The following RABGAP1L variants were observed in gnomAD, a reference collection of about 807,000 sequenced individuals.
RABGAP1L encodes the protein rab GTPase-activating protein 1-like.
In RABGAP1L, 63 loss-of-function variants were observed where a neutral mutation model predicts 137.7. The ratio of observed to expected loss-of-function variants is 0.46; its 90% CI spans 0.37 to 0.56. The LOEUF is 0.56. Ranked by LOEUF, RABGAP1L falls within the 20% of genes least tolerant of loss-of-function variation. The pLI is 0.00. For missense variants in RABGAP1L, 1,095 were observed against 1,244.0 expected (o/e 0.88, Z 1.80); for synonymous variants, 431 against 433.7 (o/e 0.99, Z 0.08).
chr1:174,315,707 T>C (rs991702796), intron 11 of RABGAP1L, among the ~76,000 whole-genome samples: 1 of 151,956 alleles, frequency 6.6e-6, no homozygotes, highest in Admixed American at 6.6e-5. Context: ...GGGAGTTTGA[T>C]TATCAAATGC....
intron 13 of RABGAP1L, among the ~76,000 whole-genome samples, chr1:174,537,094 C>T (rs953669619): frequency 3.9e-5 from 6 of 152,102 alleles, no homozygotes; most frequent in African/African-American, 7.2e-5. Context: ...TTTTTTCTCT[C>T]CCACACCAAA....
At chr1:174,669,859 C>G (rs1362306297) in intron 14 of RABGAP1L, among the ~76,000 whole-genome samples, 3 of 152,034 alleles carry the variant, frequency 2.0e-5, no homozygotes, top group Non-Finnish European at 1.5e-5. Context: ...TATGCCAATC[C>G]CATGCTGTTT....
chr1:174,448,612 C>T lies in RABGAP1L; in HGVS notation c.1710+54467C>T, dbSNP rs144638321. The T allele has an allele frequency of 1.9e-6, 3 of 1,613,750 alleles. No individual in the cohort carries two copies. Among genetic ancestry groups the T allele is most frequent in the Non-Finnish European group, 2.5e-6 (3 of 1,179,780 alleles). Reference sequence around the variant, plus strand: ...GAATTTGCATTATTTTGATCTGGATCTACTCCTGCCTAATTTTCTTGCCTT... The same window carrying T: ...GAATTTGCATTATTTTGATCTGGATTTACTCCTGCCTAATTTTCTTGCCTT... On this transcript the variant is annotated intron_variant, in intron 13 of 25. Transcript: ENST00000681986. The surrounding 1 kb of genome is among the most constrained non-coding windows in gnomAD (Gnocchi z 4.2).
intron 10 of RABGAP1L, among the ~76,000 whole-genome samples, chr1:174,299,537 A>T (rs1677461633): frequency 6.6e-6 from 1 of 152,242 alleles, no homozygotes; most frequent in South Asian, 2.1e-4. Flanking sequence ...TGCCATAAGA[A>T]GGCTCACAGA....
At chr1:174,745,802 T>G (rs1259018046) in intron 17 of RABGAP1L, among the ~76,000 whole-genome samples, 1 of 152,248 alleles carries the variant, frequency 6.6e-6, no homozygotes, top group African/African-American at 2.4e-5. Context: ...AGTCATTATC[T>G]CTTCCTAGGG....
intron 14 of RABGAP1L, among the ~76,000 whole-genome samples, chr1:174,654,393 AG>A (rs1329561165): frequency 1.3e-5 from 2 of 152,232 alleles, no homozygotes; most frequent in Non-Finnish European, 2.9e-5. Context: ...AAACCCTAAA[AG>A]AGCATTCTAT....
intron 11 of RABGAP1L, among the ~76,000 whole-genome samples, chr1:174,309,734 G>A (rs778913200): frequency 6.6e-6 from 1 of 152,052 alleles, no homozygotes; most frequent in African/African-American, 2.4e-5. Context: ...TCTTTTTAAT[G>A]TGCTGTTGTG....
chr1:174,240,364 G>A (rs1470895714), intron 4 of RABGAP1L, among the ~76,000 whole-genome samples: 1 of 152,030 alleles, frequency 6.6e-6, no homozygotes, highest in Non-Finnish European at 1.5e-5. Flanking sequence ...CTCATACCTC[G>A]GCCTCCTGAA....
chr1:174,838,641 T>C (rs938954174), intron 19 of RABGAP1L, among the ~76,000 whole-genome samples: 3 of 151,750 alleles, frequency 2.0e-5, no homozygotes, highest in Non-Finnish European at 2.9e-5. Context: ...CAGACAAAAA[T>C]GACATGGGCC....
At chr1:174,645,408 G>T (rs528922945) in intron 14 of RABGAP1L, among the ~76,000 whole-genome samples, 74 of 144,102 alleles carry the variant, frequency 5.1e-4, no homozygotes, top group African/African-American at 1.8e-3. Context: ...CCCCCAACAG[G>T]CCCCAGTGTG....
At chr1:174,980,500 A>T (rs1671001726) in intron 23 of RABGAP1L, among the ~76,000 whole-genome samples, 1 of 152,262 alleles carries the variant, frequency 6.6e-6, no homozygotes. Flanking sequence ...GCGATGTAAG[A>T]CTTGGATCTG....
rs1181439822 is a variant in RABGAP1L, at chr1:174,231,237, G to C, written c.424G>C (p.Val142Leu). The change falls in exon 4 of 26, where the codon GTT (valine) becomes CTT (leucine). Residue 142 changes from valine to leucine, a missense_variant. By Grantham distance (32) the Val-to-Leu change is conservative. This residue lies in a region of RABGAP1L where 356 missense variants were observed against 326.3 expected (regional missense o/e 1.09). Coordinates refer to ENST00000681986, the MANE Select transcript of RABGAP1L (RefSeq NM_001366446.1). ...NKLTYLGCMK[V>L]SSPRNEVEAL... The stretch of plus-strand genomic sequence containing the variant: ...ACTGACCTACTTAGGATGTATGAAG[G>C]TTTCTTCCCCACGTAATGAAGTAGA... 2.5e-6 allele frequency: 4 copies of C among 1,613,908 alleles called. No individual in the cohort carries two copies. Among genetic ancestry groups the C allele is most frequent in the African/African-American group, 1.3e-5 (1 of 75,014 alleles).
chr1:174,320,888 G>GT (rs1679905988), intron 11 of RABGAP1L, among the ~76,000 whole-genome samples: 1 of 152,100 alleles, frequency 6.6e-6, no homozygotes, highest in Non-Finnish European at 1.5e-5. Context: ...CAAGAACAGG[G>GT]TAACAGTGAT....
chr1:174,798,772 A>G (rs187798712), intron 18 of RABGAP1L, among the ~76,000 whole-genome samples: 133 of 152,322 alleles, frequency 8.7e-4, no homozygotes, highest in Admixed American at 2.1e-3. Flanking sequence ...GTACCATGCT[A>G]TAATTTGTAT....
chr1:174,969,592 C>A (rs1054225063), intron 21 of RABGAP1L, among the ~76,000 whole-genome samples: 4 of 152,180 alleles, frequency 2.6e-5, no homozygotes, highest in Non-Finnish European at 4.4e-5. Flanking sequence ...GTGTGACATA[C>A]TTTCTTTATA....
chr1:174,502,702 A>G (rs886194911), intron 13 of RABGAP1L, among the ~76,000 whole-genome samples: 5 of 150,564 alleles, frequency 3.3e-5, no homozygotes, highest in African/African-American at 1.2e-4. Context: ...ATATATACAT[A>G]TATGTGCATA....
intron 19 of RABGAP1L, among the ~76,000 whole-genome samples, chr1:174,866,702 G>A (rs1400233965): frequency 2.0e-5 from 3 of 151,922 alleles, no homozygotes; most frequent in African/African-American, 4.8e-5. Flanking sequence ...GCTTGAGTTT[G>A]TGAGTTCGAG....
rs370861711 is a variant in RABGAP1L at position 174,628,025 on chromosome 1, G to T, written c.1711-9350G>T. Among the ~76,000 whole-genome samples the T allele has an allele frequency of 3.2e-4, 49 of 152,146 alleles. No individual in the cohort carries two copies. In the East Asian group the frequency reaches 9.3e-3, roughly 29 times the overall value. ...AATGATGGAAATGGTGACTGCTCTG[G>T]CAAATTTAGATTCTACTGTACCCTG... On this transcript the variant is annotated intron_variant, in intron 13 of 25. Coordinates refer to ENST00000681986, the MANE Select transcript of RABGAP1L (RefSeq NM_001366446.1).
Position 174,960,077 on chromosome 1 carries a change from A to G in RABGAP1L, c.2433+2528A>G, listed in dbSNP as rs537307446. On this transcript the variant is annotated intron_variant, in intron 20 of 25. Coordinates refer to ENST00000681986, the MANE Select transcript of RABGAP1L (RefSeq NM_001366446.1). ...AGGGCATTGAGTGAGAACTTGCACC[A>G]GTTCAGTAACAACCCCTCCTCAACA... is the stretch of plus-strand genomic sequence containing the variant. Among the ~76,000 whole-genome samples the G allele has an allele frequency of 7.8e-4, 119 of 152,324 alleles. No homozygotes were observed. The Middle Eastern group carries it at 0.024, about 30-fold the overall frequency.
Sources: gnomAD v4.1 joint callset for allele counts (sites outside exome capture counted in the v4.1 genomes callset) on GRCh38, gnomAD v4.1.1 for gene constraint, gnomAD v4.1.1 regional missense constraint, Gnocchi (gnomAD v3.1) non-coding constraint, MANE v1.5 for transcripts, NCBI Gene and HGNC (gene_info 2026-07-23, HGNC 2026-07-21) for gene names.